Variants in RPGR observed in about 807,000 individuals in gnomAD.
RPGR encodes X-linked retinitis pigmentosa GTPase regulator.
In RPGR, 10 loss-of-function variants were observed where a neutral mutation model predicts 56.3. The ratio of observed to expected loss-of-function variants is 0.18; its 90% confidence interval spans 0.11 to 0.30. The LOEUF (loss-of-function observed/expected upper bound fraction) is 0.30. RPGR is among the 10% of genes least tolerant of loss of function. The pLI is 1.00. For synonymous variants in RPGR, 197 were observed against 212.9 expected (o/e 0.93, Z 0.65); for missense variants, 538 against 590.9 (o/e 0.91, Z 0.93).
At chrX:38,304,050 G>C (rs1319704423) in intron 8 of RPGR, among the ~76,000 whole-genome samples, 1 of 111,921 alleles carries the variant, frequency 8.9e-6, no homozygotes, top group Non-Finnish European at 1.9e-5. Flanking sequence ...GCAGCACATA[G>C]TTTTGAGGCT....
intron 10 of RPGR, among the ~76,000 whole-genome samples, chrX:38,298,031 G>A (rs2067422726): frequency 9.0e-6 from 1 of 111,487 alleles, no homozygotes; most frequent in South Asian, 3.8e-4. Context: ...AGGTTGGGAG[G>A]CCGAGGCTGG....
chrX:38,323,662 C>G, intron 1 of RPGR, 138 bp from the exon 2 acceptor site: 1 of 589,027 alleles, frequency 1.7e-6, no homozygotes, highest in Non-Finnish European at 2.7e-6. Flanking sequence ...TTAAGCCTTC[C>G]TTCTTCCACC....
chrX:38,282,208 T>G (rs193292744), intron 15 of RPGR, among the ~76,000 whole-genome samples: 21 of 111,617 alleles, frequency 1.9e-4, no homozygotes, highest in Non-Finnish European at 3.8e-4. Context: ...CCTGGCAATG[T>G]GGGTTCTGCC....
At chrX:38,292,924 G>C in intron 11 of RPGR, among the ~76,000 whole-genome samples, 1 of 111,808 alleles carries the variant, frequency 8.9e-6, no homozygotes, top group African/African-American at 3.2e-5. Flanking sequence ...AGTAGTCTCA[G>C]CAAATGAGTA....
chrX:38,275,816 G>A (rs2066924394), intron 16 of RPGR, among the ~76,000 whole-genome samples: 1 of 111,790 alleles, frequency 8.9e-6, no homozygotes, highest in African/African-American at 3.3e-5. Flanking sequence ...CCAATGATGA[G>A]AGTGTTTCAT....
chrX:38,307,475 T>C (rs1476661913), intron 7 of RPGR, among the ~76,000 whole-genome samples: 4 of 112,754 alleles, frequency 3.5e-5, no homozygotes, highest in African/African-American at 1.3e-4. Flanking sequence ...ATAAGAGTTA[T>C]AGACTTTTGA....
In RPGR at chrX:38,275,015, A is replaced by G. The variant is rs2066908000; in HGVS notation, c.2149+74T>C. The stretch of plus-strand genomic sequence containing the variant: ...TTATATGTAAGCTTATAATTACCCA[A>G]TTATGGCATACATACACATATATAT... On this transcript the variant is annotated intron_variant, in intron 17 of 18. Coordinates refer to ENST00000642395, the MANE Select transcript of RPGR (RefSeq NM_000328.3). 3 of 863,185 alleles carry G rather than the reference A, an allele frequency of 3.5e-6. No individual in the cohort carries two copies. The East Asian group carries it at 9.4e-5, about 27-fold the overall frequency. The allele number at this position is 863,185 out of a possible 1,213,427, so 71.1% of individuals were successfully genotyped here. A position where few individuals can be genotyped will look rare whatever the true frequency, so the allele number is the denominator to read the frequency against.
At chrX:38,302,093 A>C (rs1005087462) in intron 8 of RPGR, among the ~76,000 whole-genome samples, 1 of 111,657 alleles carries the variant, frequency 9.0e-6, no homozygotes, top group Non-Finnish European at 1.9e-5. Flanking sequence ...GTCCCCTCTG[A>C]AACTGGGCCC....
intron 9 of RPGR, among the ~76,000 whole-genome samples, chrX:38,299,403 C>T (rs189442348): frequency 1.8e-5 from 2 of 112,062 alleles, no homozygotes; most frequent in Non-Finnish European, 3.8e-5. Context: ...ATTTTACTTT[C>T]AATTTAAAAT....
At chrX:38,327,020 G>T (rs1181359983) in intron 1 of RPGR, 1 of 249,884 alleles carries the variant, frequency 4.0e-6, no homozygotes, top group Non-Finnish European at 7.0e-6. Flanking sequence ...TTGCGCCATT[G>T]CACTCCAGCC....
In RPGR at chrX:38,297,367, T is replaced by C. The variant is rs756926974; in HGVS notation, c.1331A>G (p.Asn444Ser). ...CTCAGAACATCGTGGAAAGACTGAA[T>C]TGGGGAGAAAACAAGCAGAAAGGCC... Residue 444 changes from asparagine (N) to serine (S), a missense_variant, in exon 11 of 19, where the codon AAT (asparagine) becomes AGT (serine). Asn to Ser is a conservative substitution (Grantham distance 46, BLOSUM62 1). Transcript: ENST00000642395. 2.2e-5 allele frequency: 27 copies of C among 1,206,607 alleles called. No homozygotes were observed. The highest frequency in any genetic ancestry group is 5.9e-5 in the East Asian group (2 of 33,643).
rs2068072980 is a variant in RPGR at position 38,327,400 on chromosome X, C to CGT, written c.-34_-33insAC. 8.6e-7 allele frequency: 1 copy of CGT among 1,164,922 alleles called. No homozygotes were observed. Among genetic ancestry groups the CGT allele is most frequent in the Admixed American group, 2.5e-5 (1 of 40,148 alleles). On this transcript the variant is annotated 5_prime_UTR_variant, in exon 1 of 19. Transcript: ENST00000642395. ...GCAGTACGGGCAGCCTGCGCCGGGG[C>CGT]CAGGAGGCTGTAGAGGACGGTTTGG...
In RPGR at chrX:38,327,482, G is replaced by C. The variant is rs1429599926; in HGVS notation, c.-115C>G. The C allele has an allele frequency of 1.3e-6, 1 of 747,180 alleles. No individual in the cohort carries two copies. Among genetic ancestry groups the C allele is most frequent in the Non-Finnish European group, 1.9e-6 (1 of 537,980 alleles). 61.6% of individuals were successfully genotyped at this position (747,180 alleles called of 1,213,427 possible). On this transcript the variant is annotated 5_prime_UTR_variant, in exon 1 of 19. Coordinates refer to ENST00000642395, the MANE Select transcript of RPGR (RefSeq NM_000328.3). Reference sequence around the variant, plus strand: ...CGGGCCGCGAAAGCCCCCAAGTTCCGCATGGCGAAACTCCGGAGATCAACT... The same window carrying C: ...CGGGCCGCGAAAGCCCCCAAGTTCCCCATGGCGAAACTCCGGAGATCAACT...
At chrX:38,285,678 T>C (rs759788208) in intron 15 of RPGR, 1 of 1,211,481 alleles carries the variant, frequency 8.3e-7, no homozygotes, top group East Asian at 3.0e-5. Flanking sequence ...TGTTAGTAAC[T>C]GACTTTTTTT....
At chrX:38,279,283 T>C (rs754679185) in intron 15 of RPGR, 1 of 319,327 alleles carries the variant, frequency 3.1e-6, no homozygotes, top group Non-Finnish European at 6.0e-6. Flanking sequence ...TGTAAACAGG[T>C]AGTCTGAAAT....
At chrX:38,273,287 A>T (rs2066874758) in intron 18 of RPGR, 2 of 636,848 alleles carry the variant, frequency 3.1e-6, no homozygotes, top group Non-Finnish European at 5.0e-6. Flanking sequence ...GGCCATGAAA[A>T]CTCATATTAA....
At chrX:38,325,149 G>A (rs773157489) in intron 1 of RPGR, among the ~76,000 whole-genome samples, 2 of 98,665 alleles carry the variant, frequency 2.0e-5, no homozygotes, top group Non-Finnish European at 4.0e-5. Context: ...AAGCCTGGGC[G>A]ACAGTGTGAC....
intron 6 of RPGR, among the ~76,000 whole-genome samples, chrX:38,311,198 A>C (rs1182098881): frequency 8.9e-6 from 1 of 112,547 alleles, no homozygotes; most frequent in Non-Finnish European, 1.9e-5. Flanking sequence ...TAGAAAACTC[A>C]CTTATGTGTG....
intron 17 of RPGR, among the ~76,000 whole-genome samples, chrX:38,274,579 C>T (rs1297789955): frequency 1.8e-5 from 2 of 112,285 alleles, no homozygotes; most frequent in Non-Finnish European, 3.8e-5. Flanking sequence ...CTTTGGGAGG[C>T]CGAGGCGGGA....
Sources: gnomAD v4.1 joint callset for allele counts (sites outside exome capture counted in the v4.1 genomes callset) on GRCh38, gnomAD v4.1.1 for gene constraint, MANE v1.5 for transcripts, NCBI Gene and HGNC (gene_info 2026-07-23, HGNC 2026-07-21) for gene names.